The following RALGAPA1 variants were observed in gnomAD, a reference collection of about 807,000 sequenced individuals.
The protein encoded by RALGAPA1 is Ral GTPase activating protein catalytic subunit alpha 1, also known as ral GTPase-activating protein subunit alpha-1.
A neutral mutation model predicts 269.6 loss-of-function variants in RALGAPA1; 52 were observed. The ratio of observed to expected loss-of-function variants is 0.19; its 90% CI spans 0.15 to 0.24. The LOEUF is 0.24. RALGAPA1 is among the 10% of genes least tolerant of loss of function. RALGAPA1 has a pLI of 1.00. For synonymous variants in RALGAPA1, 817 were observed against 1,008.3 expected (o/e 0.81, Z 3.60); for missense variants, 1,917 against 3,013.9 (o/e 0.64, Z 8.52).
At position 35,808,660 on chromosome 14, in the gene RALGAPA1, C is replaced by A; in HGVS notation, c.106+70G>T. The A allele has an allele frequency of 2.0e-6, 3 of 1,517,606 alleles. No individual in the cohort carries two copies. In the South Asian group the frequency reaches 3.6e-5, roughly 18 times the overall value. 94.0% of individuals were successfully genotyped at this position (1,517,606 alleles called of 1,614,324 possible). On this transcript the variant is annotated intron_variant, in intron 1 of 41. Transcript: ENST00000680220. Reference sequence around the variant, plus strand: ...ACCGCGCCAGGTCCCGAGAGAGAGTCCGCAGGGGCTCCCAGGAGAGGGAAG... The same window carrying A: ...ACCGCGCCAGGTCCCGAGAGAGAGTACGCAGGGGCTCCCAGGAGAGGGAAG...
intron 27 of RALGAPA1, among the ~76,000 whole-genome samples, chr14:35,664,414 G>A (rs560247136): frequency 6.6e-6 from 1 of 152,300 alleles, no homozygotes; most frequent in South Asian, 2.1e-4. Context: ...CTAACAGGTA[G>A]ACATGTGAGT....
intron 10 of RALGAPA1, among the ~76,000 whole-genome samples, chr14:35,745,418 GACAGACAC>G (rs1297176690): frequency 8.6e-6 from 1 of 115,944 alleles, no homozygotes; most frequent in African/African-American, 4.2e-5. Context: ...CAGACACACA[GACAGACAC>G]ACACACACAC....
At chr14:35,735,316 C>T (rs2070877402) in intron 12 of RALGAPA1, among the ~76,000 whole-genome samples, 1 of 152,126 alleles carries the variant, frequency 6.6e-6, no homozygotes, top group African/African-American at 2.4e-5. Context: ...ACCCAAATAC[C>T]CATCAATCAA....
chr14:35,607,739 A>G (rs771784688), intron 35 of RALGAPA1, among the ~76,000 whole-genome samples: 2 of 152,358 alleles, frequency 1.3e-5, no homozygotes, highest in East Asian at 1.9e-4. Context: ...AAGGGCTGAC[A>G]TTATTTGCAA....
chr14:35,571,185 G>GA (rs1346249898), intron 38 of RALGAPA1, among the ~76,000 whole-genome samples: 1 of 152,088 alleles, frequency 6.6e-6, no homozygotes, highest in Non-Finnish European at 1.5e-5. Flanking sequence ...CAGTTTATTA[G>GA]AAAAAATATC....
intron 37 of RALGAPA1, among the ~76,000 whole-genome samples, chr14:35,585,063 A>G (rs1699882888): frequency 6.6e-6 from 1 of 152,220 alleles, no homozygotes; most frequent in African/African-American, 2.4e-5. Flanking sequence ...TCAGAGCAAG[A>G]AAGTTATCAG....
intron 3 of RALGAPA1, among the ~76,000 whole-genome samples, chr14:35,773,328 G>A (rs903463907): frequency 1.4e-4 from 21 of 151,988 alleles, no homozygotes; most frequent in African/African-American, 5.1e-4. Flanking sequence ...GTTTCTAAAG[G>A]TAGAGGCCCC....
At chr14:35,718,807 A>T (rs981633129) in intron 16 of RALGAPA1, among the ~76,000 whole-genome samples, 1 of 151,806 alleles carries the variant, frequency 6.6e-6, no homozygotes, top group Non-Finnish European at 1.5e-5. Context: ...TCCATCTCAA[A>T]AAATAAATAA....
intron 21 of RALGAPA1, among the ~76,000 whole-genome samples, chr14:35,682,455 C>T (rs2065535003): frequency 6.6e-6 from 1 of 152,090 alleles, no homozygotes. Context: ...CGCCCGCCAC[C>T]ACGCCTGGCT....
chr14:35,672,801 A>C, intron 25 of RALGAPA1, 66 bp downstream of exon 25: 1 of 1,375,960 alleles, frequency 7.3e-7, no homozygotes, highest in Non-Finnish European at 9.6e-7. Flanking sequence ...AGAGTTAAAC[A>C]GAATCAAGAA....
Position 35,627,079 on chromosome 14 carries a change from C to A in RALGAPA1, c.6857+11G>T. On this transcript the variant is annotated intron_variant, in intron 34 of 41. Transcript: ENST00000680220. ...AAAAAAAAAAAGAAAAAATTTCTCC[C>A]TTATGCTTACCGTTTGTCCCAGGAA... 1 of 1,501,884 alleles carries A rather than the reference C, an allele frequency of 6.7e-7. No individual in the cohort carries two copies. The highest frequency in any genetic ancestry group is 1.5e-5 in the South Asian group (1 of 67,888). 93.0% of individuals were successfully genotyped at this position (1,501,884 alleles called of 1,614,324 possible).
chr14:35,651,924 G>T, intron 30 of RALGAPA1, 51 bp from the exon 31 acceptor site: 1 of 1,439,942 alleles, frequency 6.9e-7, no homozygotes, highest in South Asian at 1.3e-5. Flanking sequence ...TCAAATTAAT[G>T]GTACATCCTA....
intron 16 of RALGAPA1, among the ~76,000 whole-genome samples, chr14:35,703,385 G>A (rs1163664555): frequency 6.6e-6 from 1 of 152,176 alleles, no homozygotes; most frequent in Admixed American, 6.5e-5. Context: ...GGCTGGAGGT[G>A]AGAGGATCAC....
At chr14:35,760,683 C>T (rs2073623584) in intron 6 of RALGAPA1, 146 bp downstream of exon 6, 1 of 569,818 alleles carries the variant, frequency 1.8e-6, no homozygotes, top group Non-Finnish European at 3.0e-6. Context: ...GCTGACTTCA[C>T]CATACCTGAA....
chr14:35,682,432 C>G (rs2065530206), intron 21 of RALGAPA1, among the ~76,000 whole-genome samples: 1 of 152,056 alleles, frequency 6.6e-6, no homozygotes, highest in South Asian at 2.1e-4. Flanking sequence ...TCCCGAGTAG[C>G]TGGGACTATA....
At chr14:35,608,999 G>T (rs1462910043) in intron 35 of RALGAPA1, among the ~76,000 whole-genome samples, 1 of 152,216 alleles carries the variant, frequency 6.6e-6, no homozygotes, top group Non-Finnish European at 1.5e-5. Context: ...GGCTGAGGCG[G>T]GTGGATCACG....
chr14:35,643,972 A>G (rs563732420), intron 31 of RALGAPA1, among the ~76,000 whole-genome samples: 1 of 152,338 alleles, frequency 6.6e-6, no homozygotes, highest in Admixed American at 6.5e-5. Flanking sequence ...AATATTTGCT[A>G]GCAAAACAGA....
At chr14:35,565,827 C>A (rs1371298427) in intron 39 of RALGAPA1, among the ~76,000 whole-genome samples, 1 of 151,930 alleles carries the variant, frequency 6.6e-6, no homozygotes, top group African/African-American at 2.4e-5. Flanking sequence ...AAGTCATAGT[C>A]AAAATGTCTT....
intron 10 of RALGAPA1, among the ~76,000 whole-genome samples, chr14:35,746,469 T>C (rs749903507): frequency 6.6e-6 from 1 of 152,208 alleles, no homozygotes; most frequent in Non-Finnish European, 1.5e-5. Flanking sequence ...AGATTGATTG[T>C]AGTAATCATC....
Sources: allele counts gnomAD v4.1 joint callset (sites outside exome capture counted in the v4.1 genomes callset), GRCh38; gene constraint gnomAD v4.1.1; transcripts MANE v1.5; gene names NCBI Gene and HGNC (gene_info 2026-07-23, HGNC 2026-07-21).